The following ALG10 variants were observed in gnomAD, a reference collection of about 807,000 sequenced individuals.
ALG10 encodes dol-P-Glc:Glc(2)Man(9)GlcNAc(2)-PP-Dol alpha-1,2-glucosyltransferase A.
A neutral mutation model predicts 39.2 loss-of-function variants in ALG10; 25 were observed. The observed-to-expected ratio is 0.64, with a 90% CI of 0.46 to 0.89. The LOEUF is 0.89. Ranked by LOEUF, ALG10 falls within the 40% of genes least tolerant of loss-of-function variation. The probability of loss-of-function intolerance (pLI) is 0.00; values close to 1 mark genes in which losing one functional copy is unlikely to be tolerated. For synonymous variants in ALG10, 184 were observed against 193.9 expected, an observed-to-expected ratio of 0.95 and a Z score of 0.42; for missense variants, 486 against 546.6, an observed-to-expected ratio of 0.89 and a Z score of 1.11.
Position 34,024,011 on chromosome 12 carries a change from G to T in ALG10, c.221G>T (p.Gly74Val). 1 of 1,614,104 alleles carries T rather than the reference G, an allele frequency of 6.2e-7. No homozygotes were observed. Reference sequence around the variant, plus strand: ...CCTGGCTTGTACCTGGTGTCAATTGGAGTGATCAAACCTGCCATTTGGATC... The same window carrying T: ...CCTGGCTTGTACCTGGTGTCAATTGTAGTGATCAAACCTGCCATTTGGATC... The part of the protein sequence containing the change: ...TLPGLYLVSI[G>V]VIKPAIWIFG... The change falls in exon 2 of 3, where the codon GGA (glycine) becomes GTA (valine). Residue 74 changes from glycine to valine, a missense_variant. By Grantham distance (109) the Gly-to-Val change is moderately radical (BLOSUM62 -3). Transcript: ENST00000266483.
chr12:34,023,825 GACTT>G lies in ALG10; in HGVS notation c.172-131_172-128del, dbSNP rs878981370. The stretch of plus-strand genomic sequence containing the variant: ...GAAAAACGAATCCTGTTCTGCCAAG[GACTT>G]ACTTAATCTTGTCATAGAATAACTT... On this transcript the variant is annotated intron_variant, in intron 1 of 2. Coordinates refer to ENST00000266483, the MANE Select transcript of ALG10 (RefSeq NM_032834.4). The G allele has an allele frequency of 1.1e-4, 129 of 1,200,930 alleles. 3 individuals carry two copies. In the South Asian group the frequency reaches 1.4e-3, roughly 13 times the overall value. The allele number at this position is 1,200,930 out of a possible 1,614,324, so 74.4% of individuals were successfully genotyped here.
At chr12:34,025,795 AT>A in intron 2 of ALG10, 67 bp from the exon 3 acceptor site, 4 of 1,569,152 alleles carry the variant, frequency 2.5e-6, no homozygotes, top group Non-Finnish European at 3.5e-6. Flanking sequence ...AAATTTCTTC[AT>A]TAGGTAAGCA....
intron 1 of ALG10, chr12:34,023,551 G>A (rs1291884982): frequency 3.4e-6 from 1 of 296,502 alleles, no homozygotes; most frequent in Non-Finnish European, 6.5e-6. Flanking sequence ...CAGAGGGTTT[G>A]GCAACAATTT....
Position 34,022,682 on chromosome 12 carries a change from G to C in ALG10, c.83G>C (p.Ser28Thr), listed in dbSNP as rs778364120. The C allele has an allele frequency of 6.2e-7, 1 of 1,614,136 alleles. No homozygotes were observed. The highest frequency in any genetic ancestry group is 1.1e-5 in the South Asian group (1 of 91,082). ...LVSCLLFSAF[S>T]RALREPYMDE... The stretch of plus-strand genomic sequence containing the variant: ...TCCTGCCTCCTCTTCTCCGCCTTCA[G>C]CCGGGCGTTGCGAGAGCCCTACATG... The change falls in exon 1 of 3, where the codon AGC (serine) becomes ACC (threonine). Residue 28 changes from serine (S) to threonine (T), a missense_variant. By Grantham distance (58) the Ser-to-Thr change is moderately conservative. Coordinates refer to ENST00000266483, the MANE Select transcript of ALG10 (RefSeq NM_032834.4).
Position 34,025,895 on chromosome 12 carries a change from A to C in ALG10, c.402A>C (p.Thr134=), listed in dbSNP as rs77450248. 2.4e-3 allele frequency: 3,854 copies of C among 1,614,004 alleles called. 71 individuals are homozygous for C. In the African/African-American group the frequency reaches 0.04, roughly 17 times the overall value. The change falls in exon 3 of 3, where the codon ACA becomes ACC. Residue 134 remains threonine (T), a synonymous_variant. Transcript: ENST00000266483. ...CAAGTATCCAGAGAGTCTTGTCAAC[A>C]TTAACACTAGCAGTATTTCCAACAC... ...AASSIQRVLS[T]LTLAVFPTLY... is the part of the protein sequence containing the mutation.
chr12:34,025,665 A>G (rs1223850526), intron 2 of ALG10, among the ~76,000 whole-genome samples, 198 bp from the exon 3 acceptor site: 3 of 152,222 alleles, frequency 2.0e-5, no homozygotes, highest in Admixed American at 2.0e-4. Context: ...ATAGGTATAC[A>G]TAAAAAGTAC....
At chr12:34,023,321 T>C (rs1027513735) in intron 1 of ALG10, 1 of 168,562 alleles carries the variant, frequency 5.9e-6, no homozygotes, top group Non-Finnish European at 1.3e-5. Flanking sequence ...AGTATGTACA[T>C]ATAAATATCA....
At chr12:34,024,305 C>T (rs1356797719) in intron 2 of ALG10, 146 bp downstream of exon 2, 2 of 922,420 alleles carry the variant, frequency 2.2e-6, no homozygotes, top group Non-Finnish European at 3.3e-6. Context: ...AATTTAAATC[C>T]TCCATCTCCA....
At position 34,027,182 on chromosome 12, in the gene ALG10, C is replaced by A. The variant is rs978566593; in HGVS notation, c.*267C>A. 2.2e-5 allele frequency: 6 copies of A among 268,954 alleles called. No homozygotes were observed. The Admixed American group carries it at 3.0e-4, about 13-fold the overall frequency. The allele number at this position is 268,954 out of a possible 1,614,324, so 16.7% of individuals were successfully genotyped here. On this transcript the variant is annotated 3_prime_UTR_variant, in exon 3 of 3. Coordinates refer to ENST00000266483, the MANE Select transcript of ALG10 (RefSeq NM_032834.4). ...TCATATCACTCTCATAATGTTGGCC[C>A]CTTAAAAAGCTTGGGAATGTTTTGT...
At chr12:34,025,102 A>G (rs1942816629) in intron 2 of ALG10, among the ~76,000 whole-genome samples, 2 of 152,196 alleles carry the variant, frequency 1.3e-5, no homozygotes, top group East Asian at 3.8e-4. Context: ...AGGCTAGAGA[A>G]GTAGGTCATG....
upstream of ALG10, chr12:34,022,458 A>G: frequency 7.3e-7 from 1 of 1,362,652 alleles, no homozygotes; most frequent in Non-Finnish European, 1.0e-6. Flanking sequence ...GCGCTCTCCC[A>G]GCATCCTTTG....
intron 1 of ALG10, chr12:34,023,733 A>AGTT (rs869166294): frequency 1.8e-6 from 1 of 558,966 alleles, no homozygotes; most frequent in African/African-American, 1.9e-5. Context: ...ATAGATTTTA[A>AGTT]GTTGTTGTTG....
Position 34,027,210 on chromosome 12 carries a change from G to T in ALG10, c.*295G>T. Reference sequence around the variant, plus strand: ...TAAAAAGCTTGGGAATGTTTTGTATGTACAAGTTTATTAAAACTGGGTATG... The same window carrying T: ...TAAAAAGCTTGGGAATGTTTTGTATTTACAAGTTTATTAAAACTGGGTATG... On this transcript the variant is annotated 3_prime_UTR_variant, in exon 3 of 3. Transcript: ENST00000266483. 4.6e-6 allele frequency: 1 copy of T among 217,846 alleles called. No individual in the cohort carries two copies. The highest frequency in any genetic ancestry group is 8.9e-6 in the Non-Finnish European group (1 of 111,848). 13.5% of individuals were successfully genotyped at this position (217,846 alleles called of 1,614,324 possible). A position where few individuals can be genotyped will look rare whatever the true frequency, so the allele number is the denominator to read the frequency against.
At position 34,026,728 on chromosome 12, in the gene ALG10, T is replaced by C. The variant is rs1475414478; in HGVS notation, c.1235T>C (p.Leu412Pro). ...CLFTVIVPQK[L>P]LEFRYFILPY... ...TTCACTGTTATAGTTCCTCAGAAAC[T>C]GCTGGAATTTCGTTACTTCATTTTA... is the stretch of plus-strand genomic sequence containing the variant. Residue 412 changes from leucine (L) to proline (P), a missense_variant, in exon 3 of 3, where the codon CTG (leucine) becomes CCG (proline). Leu to Pro is a moderately conservative substitution (Grantham distance 98). Transcript: ENST00000266483. 4.3e-6 allele frequency: 7 copies of C among 1,613,958 alleles called. No individual in the cohort carries two copies.
rs1322476115 is a variant in ALG10 at position 34,028,178 on chromosome 12, C to T, written c.*1263C>T. 6.6e-6 allele frequency: 1 copy of T among 151,780 alleles called. No homozygotes were observed. Among genetic ancestry groups the T allele is most frequent in the Non-Finnish European group, 1.5e-5 (1 of 68,000 alleles). The allele number at this position is 151,780 out of a possible 1,614,324, so 9.4% of individuals were successfully genotyped here. On this transcript the variant is annotated 3_prime_UTR_variant, in exon 3 of 3. Transcript: ENST00000266483. ...TCTTCATATGATTGTTAGGAGACTA[C>T]CTTTTTAGATTTTTTTTATTATATA...
Position 34,024,038 on chromosome 12 carries a change from T to C in ALG10, c.248T>C (p.Phe83Ser). The change falls in exon 2 of 3, where the codon TTT becomes TCT. Residue 83 changes from phenylalanine (F) to serine (S), a missense_variant. Transcript: ENST00000266483. ...IGVIKPAIWI[F>S]GWSEHVVCSI... ...GTGATCAAACCTGCCATTTGGATCT[T>C]TGGATGGTCTGAACATGTTGTCTGC... is the stretch of plus-strand genomic sequence containing the variant. The C allele has an allele frequency of 6.2e-7, 1 of 1,614,188 alleles. No individual in the cohort carries two copies. The highest frequency in any genetic ancestry group is 8.5e-7 in the Non-Finnish European group (1 of 1,180,022).
intron 2 of ALG10, among the ~76,000 whole-genome samples, chr12:34,025,041 G>A (rs1436147307): frequency 6.6e-6 from 1 of 152,126 alleles, no homozygotes; most frequent in East Asian, 1.9e-4. Context: ...TGAACAACGA[G>A]TTGCAGGGAA....
chr12:34,023,179 G>T, intron 1 of ALG10: 1 of 180,932 alleles, frequency 5.5e-6, no homozygotes, highest in Non-Finnish European at 1.2e-5. Flanking sequence ...GGACTGGAGG[G>T]ATCTTCAGCT....
At position 34,026,690 on chromosome 12, in the gene ALG10, T is replaced by G. The variant is rs1408664093; in HGVS notation, c.1197T>G (p.Phe399Leu). 1 of 1,613,692 alleles carries G rather than the reference T, an allele frequency of 6.2e-7. No homozygotes were observed. Among genetic ancestry groups the G allele is most frequent in the East Asian group, 2.2e-5 (1 of 44,864 alleles). ...KSKSIFWNLM[F>L]FICLFTVIVP... The stretch of plus-strand genomic sequence containing the variant: ...AGTCAATTTTTTGGAATTTAATGTT[T>G]TTCATATGCTTGTTCACTGTTATAG... The change falls in exon 3 of 3, where the codon TTT (phenylalanine) becomes TTG (leucine). Residue 399 changes from phenylalanine (F) to leucine (L), a missense_variant. Phe to Leu is a conservative substitution (Grantham distance 22). Coordinates refer to ENST00000266483, the MANE Select transcript of ALG10 (RefSeq NM_032834.4).
Sources: gnomAD v4.1 joint callset for allele counts (sites outside exome capture counted in the v4.1 genomes callset) on GRCh38, gnomAD v4.1.1 for gene constraint, MANE v1.5 for transcripts, NCBI Gene and HGNC (gene_info 2026-07-23, HGNC 2026-07-21) for gene names.